The following NBAS variants were observed in gnomAD, a reference collection of about 807,000 sequenced individuals.
The protein encoded by NBAS is NBAS subunit of NRZ tethering complex.
A neutral mutation model predicts 302.5 loss-of-function variants in NBAS; 219 were observed. That is an observed-to-expected ratio of 0.72 (90% CI 0.65 to 0.81). NBAS has a LOEUF of 0.81. Ranked by LOEUF, NBAS falls within the 30% of genes least tolerant of loss-of-function variation. The pLI is 0.00. For missense variants in NBAS, 2,932 were observed against 2,841.6 expected (o/e 1.03, Z -0.72); for synonymous variants, 1,118 against 1,021.6 (o/e 1.09, Z -1.80).
At chr2:15,190,875 A>G (rs907068540) in intron 48 of NBAS, among the ~76,000 whole-genome samples, 1 of 152,248 alleles carries the variant, frequency 6.6e-6, no homozygotes, top group Non-Finnish European at 1.5e-5. Context: ...TATCTGTCAT[A>G]GAACTTTTTT....
At chr2:15,555,346 C>T (rs2148715282) in intron 3 of NBAS, among the ~76,000 whole-genome samples, 1 of 150,598 alleles carries the variant, frequency 6.6e-6, no homozygotes, top group Non-Finnish European at 1.5e-5. Context: ...AAGACAGTTA[C>T]AAAAATATAA....
At chr2:15,150,809 T>G in the NBAS span, among the ~76,000 whole-genome samples, 4 of 152,222 alleles carry the variant, frequency 2.6e-5, no homozygotes, top group Admixed American at 6.5e-5. Flanking sequence ...ACTGTAAAGT[T>G]CGCTCTGTGA....
At chr2:15,423,060 T>G (rs1677288651) in intron 23 of NBAS, among the ~76,000 whole-genome samples, 2 of 151,834 alleles carry the variant, frequency 1.3e-5, no homozygotes, top group African/African-American at 2.4e-5. Context: ...TTTTTTACAG[T>G]TTTTTTTATA....
Position 15,167,137 on chromosome 2 carries a change from C to A in NBAS, c.7027G>T (p.Ala2343Ser), listed in dbSNP as rs1181322790. The A allele has an allele frequency of 6.2e-7, 1 of 1,614,136 alleles. No individual in the cohort carries two copies. Among genetic ancestry groups the A allele is most frequent in the African/African-American group, 1.3e-5 (1 of 74,958 alleles). The stretch of plus-strand genomic sequence containing the variant: ...CTCACGGCCAGAAGGAGAGACCCGG[C>A]TTCGGCTTCATGGCCGGCCTCCCGC... ...HLREAGHEAE[A>S]GSLLLAVRGT... Residue 2343 changes from alanine (A) to serine (S), a missense_variant, in exon 52 of 52, where the codon GCC becomes TCC. Ala to Ser is a moderately conservative substitution (Grantham distance 99). Transcript: ENST00000281513.
the NBAS span, among the ~76,000 whole-genome samples, chr2:14,911,459 G>A: frequency 6.6e-6 from 1 of 152,276 alleles, no homozygotes; most frequent in East Asian, 1.9e-4. Context: ...CTGGAAAGAA[G>A]TGACTCTCTG....
the NBAS span, among the ~76,000 whole-genome samples, chr2:14,820,717 G>A: frequency 2.4e-3 from 365 of 152,172 alleles, no homozygotes; most frequent in African/African-American, 8.0e-3. Context: ...TCAAGAAGAA[G>A]GGCATGGAAG....
chr2:15,239,191 CCAAA>C (rs1270515001), intron 44 of NBAS, among the ~76,000 whole-genome samples: 7 of 151,954 alleles, frequency 4.6e-5, no homozygotes, highest in Admixed American at 3.9e-4. Flanking sequence ...AAAACAGTAT[CCAAA>C]CATTTTGGAA....
chr2:14,970,691 G>T, the NBAS span, among the ~76,000 whole-genome samples: 1 of 152,180 alleles, frequency 6.6e-6, no homozygotes, highest in East Asian at 1.9e-4. Flanking sequence ...TGGGCCAAAG[G>T]AAGGTACCCT....
chr2:15,119,303 C>CTTTTTTT, the NBAS span, among the ~76,000 whole-genome samples: 5 of 107,768 alleles, frequency 4.6e-5, no homozygotes, highest in East Asian at 7.7e-4. Context: ...GAAATCCTTT[C>CTTTTTTT]TTTTTTTTTT....
intron 21 of NBAS, among the ~76,000 whole-genome samples, chr2:15,428,531 G>T (rs1048555362): frequency 2.0e-5 from 3 of 152,038 alleles, no homozygotes; most frequent in Non-Finnish European, 4.4e-5. Flanking sequence ...GGAGTTCAAG[G>T]CTAGCCTAGG....
intron 44 of NBAS, among the ~76,000 whole-genome samples, chr2:15,246,771 C>T (rs911824223): frequency 1.1e-4 from 17 of 152,212 alleles, no homozygotes; most frequent in African/African-American, 3.6e-4. Flanking sequence ...CAACATACAT[C>T]CACTGAGTGC....
chr2:14,964,840 G>T, the NBAS span, among the ~76,000 whole-genome samples: 1 of 152,088 alleles, frequency 6.6e-6, no homozygotes, highest in Non-Finnish European at 1.5e-5. Flanking sequence ...AAAGTATGTT[G>T]TCCAGCCAAA....
intron 23 of NBAS, among the ~76,000 whole-genome samples, chr2:15,423,241 C>A (rs1180079614): frequency 6.6e-6 from 1 of 152,124 alleles, no homozygotes; most frequent in Non-Finnish European, 1.5e-5. Flanking sequence ...CGTGTTATCT[C>A]TTCAGATTCT....
intron 46 of NBAS, 124 bp from the exon 47 acceptor site, chr2:15,232,635 A>G: frequency 2.5e-6 from 2 of 788,700 alleles, no homozygotes; most frequent in Non-Finnish European, 4.3e-6. Flanking sequence ...GCCCATAGTC[A>G]TTTGTGCTAT....
intron 10 of NBAS, among the ~76,000 whole-genome samples, chr2:15,509,914 A>G (rs1360889012): frequency 6.6e-6 from 1 of 152,108 alleles, no homozygotes. Context: ...CAGTGGCACA[A>G]TCTCGGCTCA....
chr2:14,926,298 T>C, the NBAS span, among the ~76,000 whole-genome samples: 816 of 152,218 alleles, frequency 5.4e-3, 8 homozygotes, highest in African/African-American at 0.019. Flanking sequence ...TATCACACAC[T>C]TACTCTCCTC....
At chr2:14,956,566 C>T in the NBAS span, among the ~76,000 whole-genome samples, 2 of 152,168 alleles carry the variant, frequency 1.3e-5, no homozygotes, top group Non-Finnish European at 2.9e-5. Context: ...TTAATTGACT[C>T]TCAGTTCTGC....
chr2:14,914,409 A>G, the NBAS span, among the ~76,000 whole-genome samples: 698 of 152,338 alleles, frequency 4.6e-3, 9 homozygotes, highest in African/African-American at 0.016. Context: ...CAGGTTTCAT[A>G]ATATCAAGAG....
At chr2:15,275,850 G>A (rs189923512) in intron 43 of NBAS, 32 bp from the exon 44 acceptor site, 219 of 1,581,306 alleles carry the variant, frequency 1.4e-4, no homozygotes, top group Non-Finnish European at 6.3e-5. Flanking sequence ...TAGGTAAGTG[G>A]TTCATTCCAA....
Sources: gnomAD v4.1 joint callset for allele counts (sites outside exome capture counted in the v4.1 genomes callset) on GRCh38, gnomAD v4.1.1 for gene constraint, MANE v1.5 for transcripts, NCBI Gene and HGNC (gene_info 2026-07-23, HGNC 2026-07-21) for gene names.